Variants in PHKA1 observed in about 807,000 individuals in gnomAD.
PHKA1 encodes phosphorylase b kinase regulatory subunit alpha, skeletal muscle isoform.
A neutral mutation model predicts 110.2 loss-of-function variants in PHKA1; 60 were observed. The observed-to-expected ratio is 0.54, with a 90% CI of 0.44 to 0.68. The LOEUF is 0.68. PHKA1 is among the 30% of genes least tolerant of loss of function. The pLI is 0.00. For synonymous variants in PHKA1, 316 were observed against 333.6 expected, an observed-to-expected ratio of 0.95 and a Z score of 0.58; for missense variants, 801 against 942.5, an observed-to-expected ratio of 0.85 and a Z score of 1.97.
At chrX:72,589,677 C>T (rs1182685739) in intron 29 of PHKA1, among the ~76,000 whole-genome samples, 2 of 107,452 alleles carry the variant, frequency 1.9e-5, no homozygotes, top group African/African-American at 6.7e-5. Context: ...ATTTAGAAAA[C>T]CCCATCGTCT....
chrX:72,610,657 C>T (rs1556258889), intron 22 of PHKA1, among the ~76,000 whole-genome samples: 1 of 111,193 alleles, frequency 9.0e-6, no homozygotes, highest in African/African-American at 3.3e-5. Context: ...ACTGCTGGAT[C>T]CCATGGTAGT....
intron 5 of PHKA1, among the ~76,000 whole-genome samples, chrX:72,682,295 T>G (rs1306209105): frequency 1.1e-4 from 7 of 66,215 alleles, no homozygotes; most frequent in African/African-American, 1.2e-4. Flanking sequence ...GTGGGGGGGG[T>G]CAGCCCCCCT....
chrX:72,658,458 CAAAAAAA>C (rs34964050), intron 8 of PHKA1, among the ~76,000 whole-genome samples: 1 of 40,436 alleles, frequency 2.5e-5, no homozygotes, highest in African/African-American at 8.9e-5. Context: ...GACTTTGTTT[CAAAAAAA>C]AAAAAAAAAA....
intron 6 of PHKA1, among the ~76,000 whole-genome samples, chrX:72,669,670 G>A (rs1257884617): frequency 9.3e-6 from 1 of 107,516 alleles, no homozygotes; most frequent in Non-Finnish European, 1.9e-5. Context: ...TGAGAATGAT[G>A]GTTTCCAGTT....
chrX:72,635,506 C>T (rs782192612), intron 15 of PHKA1, among the ~76,000 whole-genome samples: 4 of 111,486 alleles, frequency 3.6e-5, no homozygotes, highest in South Asian at 7.6e-4. Context: ...CTGCAGTTTA[C>T]GAAGTATTTT....
intron 19 of PHKA1, among the ~76,000 whole-genome samples, chrX:72,620,519 T>C (rs945149830): frequency 8.9e-6 from 1 of 112,142 alleles, no homozygotes; most frequent in Non-Finnish European, 1.9e-5. Flanking sequence ...CCAGACTACA[T>C]AGCACTACCT....
intron 20 of PHKA1, 99 bp downstream of exon 20, chrX:72,619,115 C>T (rs1444560706): frequency 8.5e-6 from 5 of 589,048 alleles, no homozygotes; most frequent in Non-Finnish European, 1.2e-5. Flanking sequence ...TTGCGTACCA[C>T]TAGTTAGTAA....
chrX:72,639,657 A>G lies in PHKA1; in HGVS notation c.1460-3271T>C, dbSNP rs116513856. 7.3e-3 allele frequency among the ~76,000 whole-genome samples: 821 copies of G among 112,335 alleles called. 12 individuals are homozygous for G. Among genetic ancestry groups the G allele is most frequent in the African/African-American group, 0.025 (773 of 30,954 alleles). ...CTACCTGCCTCTAATTTACACTACC[A>G]GGAGTGCTGAGAGTGTCCACATCTC... On this transcript the variant is annotated intron_variant, in intron 14 of 31. Coordinates refer to ENST00000373542, the MANE Select transcript of PHKA1 (RefSeq NM_002637.4).
At chrX:72,600,677 C>G (rs1230707773) in intron 28 of PHKA1, among the ~76,000 whole-genome samples, 2 of 110,916 alleles carry the variant, frequency 1.8e-5, no homozygotes, top group Non-Finnish European at 1.9e-5. Flanking sequence ...TCATTGTCTT[C>G]CTAAATGGTT....
intron 6 of PHKA1, among the ~76,000 whole-genome samples, chrX:72,673,942 C>T (rs185567633): frequency 0.014 from 1,332 of 97,550 alleles, 24 homozygotes; most frequent in African/African-American, 0.039. Flanking sequence ...TCTCCTAATG[C>T]TATCCCTCCC....
At chrX:72,675,982 G>A (rs1242317161) in intron 6 of PHKA1, 88 bp downstream of exon 6, 1 of 646,691 alleles carries the variant, frequency 1.5e-6, no homozygotes, top group Non-Finnish European at 2.6e-6. Flanking sequence ...TTTGATTATG[G>A]TCCACAGTCA....
chrX:72,642,363 G>C (rs1387353436), intron 14 of PHKA1, among the ~76,000 whole-genome samples: 2 of 111,513 alleles, frequency 1.8e-5, no homozygotes, highest in Admixed American at 9.6e-5. Context: ...ATTAACTTTT[G>C]AGTGAGAGCC....
intron 11 of PHKA1, 84 bp from the exon 12 acceptor site, chrX:72,652,735 T>C: frequency 1.6e-6 from 1 of 608,742 alleles, no homozygotes; most frequent in Non-Finnish European, 2.8e-6. Flanking sequence ...TGGATTGTAA[T>C]TTATACCCTA....
At chrX:72,595,115 G>A (rs186331543) in intron 28 of PHKA1, among the ~76,000 whole-genome samples, 72 of 111,984 alleles carry the variant, frequency 6.4e-4, no homozygotes, top group African/African-American at 2.3e-3. Context: ...ACTGATTCCA[G>A]AAATTCAAGG....
At chrX:72,640,392 A>C (rs782434804) in intron 14 of PHKA1, among the ~76,000 whole-genome samples, 1 of 111,881 alleles carries the variant, frequency 8.9e-6, no homozygotes, top group South Asian at 3.7e-4. Context: ...TAACAGAAAA[A>C]GGCTATTTAT....
At chrX:72,678,330 A>G (rs921565924) in intron 5 of PHKA1, among the ~76,000 whole-genome samples, 1 of 111,485 alleles carries the variant, frequency 9.0e-6, no homozygotes, top group African/African-American at 3.3e-5. Context: ...ATACACACAA[A>G]CACACACCCT....
rs781863617 is a variant in PHKA1 at position 72,605,617 on chromosome X, G to A, written c.2609C>T (p.Pro870Leu). ...CTGAGTGAGCGCCTCATAGGGCAGA[G>A]GTCTAAGGAAAAAGACAGCAAAGAA... Reference protein sequence around the residue: ...PEPREKTISAPLPYEALTQLI... With the variant: ...PEPREKTISALLPYEALTQLI... The change falls in exon 24 of 32, where the codon CCT (proline) becomes CTT (leucine). Residue 870 changes from proline (P) to leucine (L), a missense_variant and splice_region_variant. By Grantham distance (98) the Pro-to-Leu change is moderately conservative. Around this residue, in one of 2 missense-constraint regions of PHKA1, gnomAD observed 502 missense variants for 519.2 expected, o/e 0.97. Transcript: ENST00000373542. The A allele has an allele frequency of 1.7e-6, 2 of 1,189,459 alleles. No individual in the cohort carries two copies.
intron 29 of PHKA1, among the ~76,000 whole-genome samples, chrX:72,591,368 C>T (rs2052518457): frequency 9.1e-6 from 1 of 110,020 alleles, no homozygotes. Flanking sequence ...ACAATGAGAA[C>T]ACTTGGTCAC....
At chrX:72,705,683 A>G (rs993514170) in intron 2 of PHKA1, among the ~76,000 whole-genome samples, 5 of 112,309 alleles carry the variant, frequency 4.5e-5, no homozygotes, top group African/African-American at 1.6e-4. Flanking sequence ...TTATCTGGAC[A>G]TGTCCTCTAA....
Sources: gnomAD v4.1 joint callset for allele counts (sites outside exome capture counted in the v4.1 genomes callset) on GRCh38, gnomAD v4.1.1 for gene constraint, gnomAD v4.1.1 regional missense constraint, MANE v1.5 for transcripts, NCBI Gene and HGNC (gene_info 2026-07-23, HGNC 2026-07-21) for gene names.